The following ANK1 variants were observed in gnomAD, a reference collection of about 807,000 sequenced individuals.
ANK1 encodes ankyrin 1, also known as ankyrin-1.
Under a neutral mutation model 210.4 loss-of-function variants are expected in ANK1, and 51 were observed. The ratio of observed to expected loss-of-function variants is 0.24; its 90% CI spans 0.19 to 0.31. The LOEUF (loss-of-function observed/expected upper bound fraction) is 0.31. Ranked by LOEUF, ANK1 falls within the 10% of genes least tolerant of loss-of-function variation. The pLI is 1.00. For missense variants in ANK1, 2,051 were observed against 2,504.4 expected, an observed-to-expected ratio of 0.82 and a Z score of 3.86; for synonymous variants, 967 against 1,025.9, an observed-to-expected ratio of 0.94 and a Z score of 1.10.
At chr8:41,807,515 C>T (rs1851141949) in intron 1 of ANK1, among the ~76,000 whole-genome samples, 1 of 152,104 alleles carries the variant, frequency 6.6e-6, no homozygotes, top group Admixed American at 6.5e-5. Context: ...CAACATCACA[C>T]CTTGTATCTG....
intron 16 of ANK1, among the ~76,000 whole-genome samples, chr8:41,713,467 C>T (rs1826743311): frequency 6.6e-6 from 1 of 152,234 alleles, no homozygotes; most frequent in South Asian, 2.1e-4. Context: ...CTCTGATTCC[C>T]TCAAGGGTCA....
chr8:41,715,900 C>T (rs1250387310), intron 13 of ANK1, 51 bp from the exon 14 acceptor site: 1 of 1,609,548 alleles, frequency 6.2e-7, no homozygotes, highest in Non-Finnish European at 8.5e-7. Context: ...GTTACCAAAT[C>T]CAACTTTTCA....
chr8:41,725,092 G>A (rs1163726020), intron 6 of ANK1, among the ~76,000 whole-genome samples: 2 of 152,146 alleles, frequency 1.3e-5, no homozygotes, highest in Non-Finnish European at 2.9e-5. Context: ...CAATTCCTGG[G>A]CTCAAACCAT....
Position 41,690,358 on chromosome 8 carries a change from CA to C in ANK1, c.3985-13del. 1 of 1,614,232 alleles carries C rather than the reference CA, an allele frequency of 6.2e-7. No homozygotes were observed. Among genetic ancestry groups the C allele is most frequent in the Non-Finnish European group, 8.5e-7 (1 of 1,180,044 alleles). On this transcript the variant is annotated splice_polypyrimidine_tract_variant and intron_variant, in intron 32 of 42. Coordinates refer to ENST00000289734, the MANE Select transcript of ANK1 (RefSeq NM_000037.4). ...CTGCTGTCCCTCACCTAAACTCAAT[CA>C]CACAAAGGAGAATTCAGGGGCCCTT...
At chr8:41,833,411 T>C (rs1489183928) in intron 1 of ANK1, among the ~76,000 whole-genome samples, 1 of 152,212 alleles carries the variant, frequency 6.6e-6, no homozygotes, top group East Asian at 1.9e-4. Flanking sequence ...TGGGGCTTTT[T>C]ATTTTGCCAT....
At chr8:41,658,311 C>T (rs1228664385) in intron 42 of ANK1, among the ~76,000 whole-genome samples, 1 of 152,242 alleles carries the variant, frequency 6.6e-6, no homozygotes, top group Non-Finnish European at 1.5e-5. Context: ...ACACTACAAA[C>T]AAGACCTGCA....
intron 40 of ANK1, among the ~76,000 whole-genome samples, chr8:41,663,287 C>T (rs1414139286): frequency 6.6e-6 from 1 of 152,084 alleles, no homozygotes; most frequent in Middle Eastern, 3.2e-3. Context: ...ACCCGGCCCA[C>T]ATTCTTTTTA....
Position 41,684,570 on chromosome 8 carries a change from T to C in ANK1, c.4511A>G (p.Tyr1504Cys). ...KPDRRHTDRD[Y>C]SLSPSQMNGY... Reference sequence around the variant, plus strand: ...ATTCATCTGGGAGGGTGACAGCGAGTAGTCGCGGTCGGTGTGCCGCCTGTC... The same window carrying C: ...ATTCATCTGGGAGGGTGACAGCGAGCAGTCGCGGTCGGTGTGCCGCCTGTC... The change falls in exon 37 of 43, where the codon TAC becomes TGC. Residue 1504 changes from tyrosine to cysteine, a missense_variant. By Grantham distance (194) the Tyr-to-Cys change is radical (BLOSUM62 -2). Transcript: ENST00000289734. 7 of 1,613,764 alleles carry C rather than the reference T, an allele frequency of 4.3e-6. No individual in the cohort carries two copies. The highest frequency in any genetic ancestry group is 5.9e-6 in the Non-Finnish European group (7 of 1,180,030).
intron 20 of ANK1, 134 bp from the exon 21 acceptor site, chr8:41,702,278 C>T (rs1823051023): frequency 2.9e-6 from 2 of 686,244 alleles, no homozygotes; most frequent in South Asian, 1.8e-5. Flanking sequence ...CACCGTGGGG[C>T]CCAGAAAGAG....
chr8:41,861,040 A>G (rs1813172430), intron 1 of ANK1, among the ~76,000 whole-genome samples: 1 of 152,202 alleles, frequency 6.6e-6, no homozygotes, highest in Non-Finnish European at 1.5e-5. Flanking sequence ...AGGTGCCCTG[A>G]ACCTATGGCC....
At chr8:41,691,431 G>A (rs1476031336) in intron 31 of ANK1, among the ~76,000 whole-genome samples, 2 of 152,192 alleles carry the variant, frequency 1.3e-5, no homozygotes, top group African/African-American at 2.4e-5. Context: ...CCTAAGACAG[G>A]ATTAGAACCA....
intron 1 of ANK1, among the ~76,000 whole-genome samples, chr8:41,784,106 G>A (rs13273224): frequency 0.39 from 59,309 of 150,802 alleles, 11,965 homozygotes; most frequent in Non-Finnish European, 0.43. Context: ...CTGATTAACA[G>A]TGTTTAAGCC....
At chr8:41,869,176 C>A (rs1198132279) in intron 1 of ANK1, among the ~76,000 whole-genome samples, 2 of 151,294 alleles carry the variant, frequency 1.3e-5, no homozygotes, top group Non-Finnish European at 2.9e-5. Flanking sequence ...TCCCTAATCC[C>A]TAAAACTGCG....
At chr8:41,709,074 A>T (rs1825464562) in intron 16 of ANK1, 99 bp from the exon 17 acceptor site, 1 of 1,407,190 alleles carries the variant, frequency 7.1e-7, no homozygotes. Context: ...GGCCGGCTGG[A>T]CACCCAGTGA....
At chr8:41,685,331 T>C (rs759276355) in intron 36 of ANK1, among the ~76,000 whole-genome samples, 7 of 152,262 alleles carry the variant, frequency 4.6e-5, no homozygotes, top group Non-Finnish European at 1.0e-4. Flanking sequence ...TTAGATTCTG[T>C]CCTTTTGAAA....
intron 37 of ANK1, among the ~76,000 whole-genome samples, chr8:41,682,951 G>A (rs577256176): frequency 2.0e-5 from 3 of 152,320 alleles, no homozygotes; most frequent in African/African-American, 7.2e-5. Flanking sequence ...GGTCCCCTGA[G>A]GGGAGGCTGG....
chr8:41,889,491 T>A (rs749431561), intron 1 of ANK1, among the ~76,000 whole-genome samples: 1 of 152,186 alleles, frequency 6.6e-6, no homozygotes, highest in East Asian at 1.9e-4. Context: ...CACAGGGAAA[T>A]CTTTGAGAAG....
intron 1 of ANK1, among the ~76,000 whole-genome samples, chr8:41,827,292 G>A (rs1450623254): frequency 1.3e-5 from 2 of 152,314 alleles, no homozygotes; most frequent in African/African-American, 2.4e-5. Flanking sequence ...CACATCTTGC[G>A]TTTTCCTAAT....
chr8:41,839,245 C>T (rs550183582), intron 1 of ANK1, among the ~76,000 whole-genome samples: 12 of 152,318 alleles, frequency 7.9e-5, no homozygotes, highest in African/African-American at 2.4e-4. Context: ...ATAGTACTGA[C>T]CCTGTGCCAG....
Sources: gnomAD v4.1 joint callset for allele counts (sites outside exome capture counted in the v4.1 genomes callset) on GRCh38, gnomAD v4.1.1 for gene constraint, MANE v1.5 for transcripts, NCBI Gene and HGNC (gene_info 2026-07-23, HGNC 2026-07-21) for gene names.